TBATA: variants seen among roughly 807,000 people sequenced by gnomAD.
TBATA encodes thymus, brain and testes associated, also known as protein TBATA.
A neutral mutation model predicts 38.7 loss-of-function variants in TBATA; 47 were observed. That is an observed-to-expected ratio of 1.21 (90% confidence interval 0.96 to 1.55). TBATA has a LOEUF of 1.55. TBATA is among the 40% of genes most tolerant of loss of function. The pLI is 0.00. For synonymous variants in TBATA, 183 were observed against 170.5 expected, an observed-to-expected ratio of 1.07 and a Z score of -0.57; for missense variants, 436 against 435.6, an observed-to-expected ratio of 1.00 and a Z score of -0.01.
chr10:70,781,696 C>T (rs1844236358), intron 4 of TBATA, 105 bp downstream of exon 4: 2 of 1,143,124 alleles, frequency 1.7e-6, no homozygotes, highest in African/African-American at 3.1e-5. Flanking sequence ...CCCATCCTCT[C>T]TGGGCCCCAG....
intron 10 of TBATA, among the ~76,000 whole-genome samples, chr10:70,771,926 T>C (rs1349451081): frequency 6.6e-6 from 1 of 151,948 alleles, no homozygotes; most frequent in African/African-American, 2.4e-5. Flanking sequence ...CACACCCTGC[T>C]CATAACCCTC....
Position 70,777,331 on chromosome 10 carries a change from T to C in TBATA, c.515A>G (p.Glu172Gly). Reference protein sequence around the residue: ...EDELKKKEQKEQKEEPLREQG... With the variant: ...EDELKKKEQKGQKEEPLREQG... Reference sequence around the variant, plus strand: ...CTCCCGCAGAGGCTCCTCCTTCTGCTCCTTCTGCTGGGACAAAAGTGGCCA... The same window carrying C: ...CTCCCGCAGAGGCTCCTCCTTCTGCCCCTTCTGCTGGGACAAAAGTGGCCA... The change falls in exon 7 of 11, where the codon GAG becomes GGG. Residue 172 changes from glutamate (E) to glycine (G), a missense_variant. Physicochemically the swap from Glu to Gly is moderately conservative, Grantham distance 98. Coordinates refer to ENST00000456372, the MANE Select transcript of TBATA (RefSeq NM_001318241.2). 6 of 1,612,606 alleles carry C rather than the reference T, an allele frequency of 3.7e-6. No homozygotes were observed. Among genetic ancestry groups the C allele is most frequent in the Non-Finnish European group, 5.1e-6 (6 of 1,179,324 alleles).
chr10:70,784,949 T>C (rs901434621), intron 1 of TBATA, among the ~76,000 whole-genome samples, 176 bp from the exon 2 acceptor site: 2 of 152,212 alleles, frequency 1.3e-5, no homozygotes, highest in African/African-American at 4.8e-5. Context: ...TGCACACTGA[T>C]ATTTTTACCC....
chr10:70,782,440 A>G (rs1844355747), intron 3 of TBATA: 1 of 1,295,184 alleles, frequency 7.7e-7, no homozygotes, highest in Non-Finnish European at 1.0e-6. Flanking sequence ...CCTCTCCCCA[A>G]GCCAGACTGT....
intron 4 of TBATA, 47 bp downstream of exon 4, chr10:70,781,754 A>G: frequency 6.5e-7 from 1 of 1,540,446 alleles, no homozygotes; most frequent in Non-Finnish European, 9.0e-7. Flanking sequence ...TCTCAAGACC[A>G]ATTAGTGATA....
At chr10:70,782,519 C>T in intron 3 of TBATA, 2 of 1,274,718 alleles carry the variant, frequency 1.6e-6, no homozygotes, top group South Asian at 1.3e-5. Flanking sequence ...TTGGCTCAGA[C>T]TCAGCGTCCA....
Position 70,781,794 on chromosome 10 carries a change from G to A in TBATA, c.277+7C>T. 6.2e-7 allele frequency: 1 copy of A among 1,612,786 alleles called. No individual in the cohort carries two copies. On this transcript the variant is annotated splice_region_variant and intron_variant, in intron 4 of 10. Coordinates refer to ENST00000456372, the MANE Select transcript of TBATA (RefSeq NM_001318241.2). ...CTCTGCTCCCACCCCAACCAGCCAG[G>A]CCCTACCTTGGATGTGGGTCACGTG...
rs1403733625 is a variant in TBATA, at chr10:70,784,784, A to C, written c.-273-11T>G. 1 of 152,196 alleles carries C rather than the reference A, an allele frequency of 6.6e-6. No homozygotes were observed. Among genetic ancestry groups the C allele is most frequent in the East Asian group, 1.9e-4 (1 of 5,206 alleles). The allele number at this position is 152,196 out of a possible 1,614,324, so 9.4% of individuals were successfully genotyped here. ...CCCAAATCCTCCTGCCTATGGGAAA[A>C]AGTACTCTTTAGAACAGAGACTTGC... is the stretch of plus-strand genomic sequence containing the variant. On this transcript the variant is annotated splice_polypyrimidine_tract_variant and intron_variant, in intron 1 of 10. Coordinates refer to ENST00000456372, the MANE Select transcript of TBATA (RefSeq NM_001318241.2).
chr10:70,773,054 G>A (rs551969876), intron 9 of TBATA, among the ~76,000 whole-genome samples: 1 of 152,208 alleles, frequency 6.6e-6, no homozygotes, highest in African/African-American at 2.4e-5. Context: ...CCCTCCCTAC[G>A]ACTCTGGGAG....
chr10:70,779,498 G>T, intron 5 of TBATA, 95 bp downstream of exon 5: 1 of 1,355,262 alleles, frequency 7.4e-7, no homozygotes, highest in East Asian at 2.8e-5. Flanking sequence ...ACCTAAGAGC[G>T]ATGGCCCTTT....
chr10:70,771,264 AAG>A lies in TBATA; in HGVS notation c.*110_*111del. 6.2e-7 allele frequency: 1 copy of A among 1,604,956 alleles called. No individual in the cohort carries two copies. The highest frequency in any genetic ancestry group is 1.7e-5 in the Admixed American group (1 of 59,474). On this transcript the variant is annotated 3_prime_UTR_variant, in exon 11 of 11. Transcript: ENST00000456372. ...CTCAGGGAAGACGGTTTTATTTAGT[AAG>A]AGTTTTCACGGTAGGGAATCAGGTA... is the stretch of plus-strand genomic sequence containing the variant.
chr10:70,778,779 T>C (rs1354074010), intron 5 of TBATA, 143 bp from the exon 6 acceptor site: 1 of 754,724 alleles, frequency 1.3e-6, no homozygotes, highest in African/African-American at 1.7e-5. Flanking sequence ...GGCGGTGCCC[T>C]GGAGGGAGAA....
Position 70,783,460 on chromosome 10 carries a change from T to A in TBATA, c.-81A>T. 2.0e-6 allele frequency: 3 copies of A among 1,517,550 alleles called. No individual in the cohort carries two copies. The highest frequency in any genetic ancestry group is 2.3e-5 in the South Asian group (2 of 88,252). 94.0% of individuals were successfully genotyped at this position (1,517,550 alleles called of 1,614,324 possible). A position where few individuals can be genotyped will look rare whatever the true frequency, so the allele number is the denominator to read the frequency against. Reference sequence around the variant, plus strand: ...CAGAACAGGAACTCTCACTTAATACTAGTGTTGAGGATGCAGAACAGGAAC... The same window carrying A: ...CAGAACAGGAACTCTCACTTAATACAAGTGTTGAGGATGCAGAACAGGAAC... On this transcript the variant is annotated 5_prime_UTR_variant, in exon 3 of 11. Transcript: ENST00000456372.
At chr10:70,782,781 T>C in intron 3 of TBATA, 2 of 371,984 alleles carry the variant, frequency 5.4e-6, no homozygotes, top group Non-Finnish European at 7.4e-6. Flanking sequence ...GGTGGGCCAG[T>C]CCCCACTGGA....
Position 70,772,525 on chromosome 10 carries a change from C to G in TBATA, c.962G>C (p.Ser321Thr), listed in dbSNP as rs148121646. Residue 321 changes from serine to threonine, a missense_variant, in exon 10 of 11, where the codon AGC becomes ACC. Physicochemically the swap from Ser to Thr is moderately conservative, Grantham distance 58. Transcript: ENST00000456372. ...KKTKISPFTK[S>T]EKPEYIGEAQ... ...ACTTGGAATCTTACCTGGTTTTTCG[C>G]TTTTTGTAAAAGGTGATATCTTCGT... 6.2e-7 allele frequency: 1 copy of G among 1,614,060 alleles called. No homozygotes were observed. Among genetic ancestry groups the G allele is most frequent in the African/African-American group, 1.3e-5 (1 of 74,908 alleles).
At chr10:70,773,698 G>A (rs1843020789) in intron 9 of TBATA, among the ~76,000 whole-genome samples, 2 of 152,148 alleles carry the variant, frequency 1.3e-5, no homozygotes, top group South Asian at 4.1e-4. Flanking sequence ...GTGGGTTGTT[G>A]GATGGACTAG....
At chr10:70,772,086 G>A in intron 10 of TBATA, 5 of 378,464 alleles carry the variant, frequency 1.3e-5, no homozygotes, top group Non-Finnish European at 1.1e-5. Context: ...TGGGAGCTTT[G>A]CTGGTTGGCT....
chr10:70,775,111 G>T, intron 8 of TBATA, 78 bp downstream of exon 8: 1 of 1,394,854 alleles, frequency 7.2e-7, no homozygotes, highest in Non-Finnish European at 1.0e-6. Flanking sequence ...AGGGACATTT[G>T]AGTCCTGCAG....
intron 10 of TBATA, chr10:70,772,198 A>T: frequency 1.8e-6 from 1 of 554,610 alleles, no homozygotes; most frequent in Non-Finnish European, 3.6e-6. Context: ...GAGCCTTGTT[A>T]TTCTCCTTAC....
Sources: gnomAD v4.1 joint callset for allele counts (sites outside exome capture counted in the v4.1 genomes callset) on GRCh38, gnomAD v4.1.1 for gene constraint, MANE v1.5 for transcripts, NCBI Gene and HGNC (gene_info 2026-07-23, HGNC 2026-07-21) for gene names.